Variants in ABCB10 observed in about 807,000 individuals in gnomAD.
ABCB10 encodes ATP-binding cassette sub-family B member 10, mitochondrial.
A neutral mutation model predicts 65.4 loss-of-function variants in ABCB10; 54 were observed. The observed-to-expected ratio is 0.83, with a 90% CI of 0.66 to 1.04. The LOEUF is 1.04. ABCB10 is among the 50% of genes least tolerant of loss of function. ABCB10 has a pLI of 0.00. For missense variants in ABCB10, 846 were observed against 976.6 expected, an observed-to-expected ratio of 0.87 and a Z score of 1.78; for synonymous variants, 418 against 406.5, an observed-to-expected ratio of 1.03 and a Z score of -0.34.
intron 8 of ABCB10, among the ~76,000 whole-genome samples, chr1:229,528,178 G>A (rs1010962990): frequency 6.6e-6 from 1 of 152,160 alleles, no homozygotes; most frequent in Non-Finnish European, 1.5e-5. Context: ...GGTCTTTGAC[G>A]AAAAAGCACA....
At chr1:229,546,450 C>T (rs1377217599) in intron 3 of ABCB10, among the ~76,000 whole-genome samples, 1 of 152,058 alleles carries the variant, frequency 6.6e-6, no homozygotes, top group East Asian at 1.9e-4. Context: ...GTCCCAACCC[C>T]TGCATTGTTC....
At chr1:229,553,611 T>C (rs1325571901) in intron 1 of ABCB10, among the ~76,000 whole-genome samples, 7 of 151,620 alleles carry the variant, frequency 4.6e-5, no homozygotes, top group Admixed American at 4.6e-4. Flanking sequence ...TTTTCCTCTC[T>C]GAAAAATGAG....
chr1:229,534,563 T>C (rs1342904611), intron 6 of ABCB10, among the ~76,000 whole-genome samples: 1 of 142,130 alleles, frequency 7.0e-6, no homozygotes, highest in Non-Finnish European at 1.5e-5. Flanking sequence ...CTGTCTCTAC[T>C]AAAAAAAAAA....
chr1:229,542,362 A>T lies in ABCB10; in HGVS notation c.931T>A (p.Ser311Thr), dbSNP rs1662872513. The T allele has an allele frequency of 6.2e-7, 1 of 1,611,214 alleles. No individual in the cohort carries two copies. The highest frequency in any genetic ancestry group is 8.5e-7 in the Non-Finnish European group (1 of 1,179,298). The change falls in exon 4 of 13, where the codon TCA (serine) becomes ACA (threonine). Residue 311 changes from serine to threonine, a missense_variant. Physicochemically the swap from Ser to Thr is moderately conservative, Grantham distance 58. Coordinates refer to ENST00000344517, the MANE Select transcript of ABCB10 (RefSeq NM_012089.3). Reference protein sequence around the residue: ...SVGISMMFFVSPNLATFVLSV... With the variant: ...SVGISMMFFVTPNLATFVLSV... ...AAAACAAAGGTGGCCAGATTAGGTG[A>T]GACAAAAAACTGTCAAAAACAAAAA... is the stretch of plus-strand genomic sequence containing the variant.
At chr1:229,518,749 T>C (rs1301412865) in intron 12 of ABCB10, 92 bp downstream of exon 12, 1 of 1,102,326 alleles carries the variant, frequency 9.1e-7, no homozygotes, top group Non-Finnish European at 1.3e-6. Context: ...TTTTCAGTTG[T>C]ATCACTTTGA....
At chr1:229,550,021 C>G (rs1663070402) in intron 1 of ABCB10, 7 of 152,474 alleles carry the variant, frequency 4.6e-5, no homozygotes, top group Non-Finnish European at 1.0e-4. Context: ...GTGCTGCAGG[C>G]TTTAAACAAA....
At chr1:229,524,406 G>A (rs1662384040) in intron 10 of ABCB10, among the ~76,000 whole-genome samples, 5 of 152,154 alleles carry the variant, frequency 3.3e-5, no homozygotes, top group African/African-American at 9.6e-5. Flanking sequence ...CAAGCAATCA[G>A]CCTGTCTTGG....
chr1:229,518,968 C>T, intron 11 of ABCB10, 93 bp from the exon 12 acceptor site: 5 of 1,029,700 alleles, frequency 4.9e-6, no homozygotes, highest in Non-Finnish European at 7.3e-6. Context: ...CTGACACATG[C>T]TACAATGTGG....
chr1:229,546,917 T>C (rs1662981685), intron 3 of ABCB10, among the ~76,000 whole-genome samples: 1 of 152,116 alleles, frequency 6.6e-6, no homozygotes, highest in African/African-American at 2.4e-5. Flanking sequence ...ATTAATCTCA[T>C]TGGCTTCTTT....
chr1:229,558,678 CAGCCCGCCGGCCAGGCGCGCGCAA>C lies in ABCB10; in HGVS notation c.-50_-27del. The C allele has an allele frequency of 7.9e-7, 1 of 1,269,688 alleles. No individual in the cohort carries two copies. Among genetic ancestry groups the C allele is most frequent in the Non-Finnish European group, 9.9e-7 (1 of 1,009,500 alleles). The allele number at this position is 1,269,688 out of a possible 1,614,324, so 78.7% of individuals were successfully genotyped here. A position where few individuals can be genotyped will look rare whatever the true frequency, so the allele number is the denominator to read the frequency against. On this transcript the variant is annotated 5_prime_UTR_variant, in exon 1 of 13. Coordinates refer to ENST00000344517, the MANE Select transcript of ABCB10 (RefSeq NM_012089.3). ...GGCGCTGCGTGCGACCCGTACGCCT[CAGCCCGCCGGCCAGGCGCGCGCAA>C]AGCCCGAGGACCCTCCCGGCCCGGC...
chr1:229,557,880 C>T (rs1333639012), intron 1 of ABCB10, among the ~76,000 whole-genome samples: 4 of 152,188 alleles, frequency 2.6e-5, no homozygotes, highest in African/African-American at 7.2e-5. Flanking sequence ...CCAAAGATTC[C>T]AATAATGACA....
In ABCB10 at chr1:229,534,563, T is replaced by TA. The variant is rs796623581; in HGVS notation, c.1340-2833dup. Among the ~76,000 whole-genome samples, 616 of 142,146 alleles carry TA rather than the reference T, an allele frequency of 4.3e-3. 5 individuals carry two copies. Among genetic ancestry groups the TA allele is most frequent in the African/African-American group, 0.014 (526 of 38,740 alleles). The allele number at this position is 142,146 out of a possible 152,430, so 93.3% of individuals were successfully genotyped here. A position where few individuals can be genotyped will look rare whatever the true frequency, so the allele number is the denominator to read the frequency against. ...CAACAGGGTGAAACCCTGTCTCTAC[T>TA]AAAAAAAAAAATACAAAAATTAGGC... is the stretch of plus-strand genomic sequence containing the variant. On this transcript the variant is annotated intron_variant, in intron 6 of 12. Coordinates refer to ENST00000344517, the MANE Select transcript of ABCB10 (RefSeq NM_012089.3).
chr1:229,555,337 T>TA (rs148555584), intron 1 of ABCB10, among the ~76,000 whole-genome samples: 6,918 of 152,324 alleles, frequency 0.045, 243 homozygotes, highest in Middle Eastern at 0.071. Context: ...CTGCATCTTT[T>TA]AAGAGTCCTT....
intron 4 of ABCB10, among the ~76,000 whole-genome samples, chr1:229,541,939 T>G (rs1410346969): frequency 6.9e-6 from 1 of 145,612 alleles, no homozygotes; most frequent in Non-Finnish European, 1.5e-5. Flanking sequence ...ACTTTTCTCA[T>G]GTACCTTGTC....
chr1:229,553,472 T>C (rs534827265), intron 1 of ABCB10, among the ~76,000 whole-genome samples: 21 of 152,226 alleles, frequency 1.4e-4, no homozygotes, highest in Admixed American at 1.3e-3. Flanking sequence ...GACAGAGCAC[T>C]GTTCTAGTGC....
At chr1:229,544,172 G>C (rs773132331) in intron 3 of ABCB10, among the ~76,000 whole-genome samples, 2 of 152,088 alleles carry the variant, frequency 1.3e-5, no homozygotes, top group Non-Finnish European at 2.9e-5. Context: ...CTAGCATTTC[G>C]GGAGGCTGAG....
chr1:229,548,949 C>T (rs564376146), intron 2 of ABCB10, among the ~76,000 whole-genome samples: 67 of 152,298 alleles, frequency 4.4e-4, no homozygotes, highest in African/African-American at 1.6e-3. Context: ...GCATGAGCCA[C>T]GGCACCCAGC....
chr1:229,525,960 CAA>C lies in ABCB10; in HGVS notation c.1880_1881del (p.Val627GlyfsTer32). ...RNFPQGFNTV[V>X]GEKGVLLSGG... ...CCTGAGAGGAGAACACCCTTTTCTCCAACCACAGTGTTGAACCCTTGGGGGAA... is the reference window on the plus strand; with the variant it reads ...CCTGAGAGGAGAACACCCTTTTCTCCCCACAGTGTTGAACCCTTGGGGGAA... On this transcript the variant is annotated frameshift_variant, in exon 10 of 13. Transcript: ENST00000344517. LOFTEE classifies it high-confidence loss of function. The C allele has an allele frequency of 6.2e-7, 1 of 1,613,774 alleles. No homozygotes were observed. Among genetic ancestry groups the C allele is most frequent in the Non-Finnish European group, 8.5e-7 (1 of 1,179,888 alleles).
intron 1 of ABCB10, among the ~76,000 whole-genome samples, chr1:229,555,710 T>G (rs908956603): frequency 2.0e-5 from 3 of 152,264 alleles, no homozygotes; most frequent in Non-Finnish European, 2.9e-5. Context: ...AGCTCAGCTT[T>G]TTTAGTGTTT....
Sources: gnomAD v4.1 joint callset for allele counts (sites outside exome capture counted in the v4.1 genomes callset) on GRCh38, gnomAD v4.1.1 for gene constraint, MANE v1.5 for transcripts, NCBI Gene and HGNC (gene_info 2026-07-23, HGNC 2026-07-21) for gene names.